Variants in KIF16B observed in about 807,000 individuals in gnomAD.
KIF16B encodes kinesin-like protein KIF16B.
A neutral mutation model predicts 156.3 loss-of-function variants in KIF16B; 98 were observed. That is an observed-to-expected ratio of 0.63 (90% confidence interval 0.53 to 0.74). The LOEUF (loss-of-function observed/expected upper bound fraction) is 0.74, where lower values mean the gene tolerates loss of function less well. Ranked by LOEUF, KIF16B falls within the 30% of genes least tolerant of loss-of-function variation. The probability of loss-of-function intolerance (pLI) is 0.00; values close to 1 mark genes in which losing one functional copy is unlikely to be tolerated. For synonymous variants in KIF16B, 564 were observed against 583.7 expected (o/e 0.97, Z 0.49); for missense variants, 1,421 against 1,606.5 (o/e 0.88, Z 1.97).
At chr20:16,448,220 T>G (rs1007444365) in intron 12 of KIF16B, among the ~76,000 whole-genome samples, 1 of 152,174 alleles carries the variant, frequency 6.6e-6, no homozygotes. Context: ...TCTTGGCACA[T>G]GGTGGAGGTA....
rs2064444688 is a variant in KIF16B, at chr20:16,356,438, G to C, written c.3513C>G (p.Arg1171=). 6.2e-7 allele frequency: 1 copy of C among 1,613,984 alleles called. No individual in the cohort carries two copies. The highest frequency in any genetic ancestry group is 1.7e-5 in the Admixed American group (1 of 60,000). The change falls in exon 23 of 26, where the codon CGC becomes CGG. Residue 1171 remains arginine, a synonymous_variant. Transcript: ENST00000354981. Reference sequence around the variant, plus strand: ...GGTCATCTGGATTTGCGCCCAAAGAGCGAGAAACCATCCGCTATCAAAGGC... The same window carrying C: ...GGTCATCTGGATTTGCGCCCAAAGACCGAGAAACCATCCGCTATCAAAGGC... ...RKLKYERMVS[R]SLGANPDDLK...
intron 24 of KIF16B, among the ~76,000 whole-genome samples, chr20:16,313,098 G>A (rs778802376): frequency 6.6e-6 from 1 of 152,164 alleles, no homozygotes; most frequent in Non-Finnish European, 1.5e-5. Flanking sequence ...TTTTACTACA[G>A]ATTCCCAGGC....
chr20:16,468,392 C>T (rs532220248), intron 12 of KIF16B, among the ~76,000 whole-genome samples: 5 of 151,588 alleles, frequency 3.3e-5, no homozygotes, highest in East Asian at 3.9e-4. Context: ...GCCAACATGG[C>T]GAAACTCCGT....
intron 12 of KIF16B, among the ~76,000 whole-genome samples, chr20:16,479,029 C>T (rs550727434): frequency 1.3e-5 from 2 of 152,308 alleles, no homozygotes; most frequent in Admixed American, 6.5e-5. Context: ...CGATTTCTAA[C>T]AGCCCAAAAC....
rs546261764 is a variant in KIF16B at position 16,440,196 on chromosome 20, G to T, written c.1303-10214C>A. Reference sequence around the variant, plus strand: ...AGAGGTCAGGATGGGGTCAGTGAGAGCCAAACTATTAAAAACAATACCCAA... The same window carrying T: ...AGAGGTCAGGATGGGGTCAGTGAGATCCAAACTATTAAAAACAATACCCAA... On this transcript the variant is annotated intron_variant, in intron 12 of 25. Transcript: ENST00000354981. 5.9e-5 allele frequency among the ~76,000 whole-genome samples: 9 copies of T among 152,242 alleles called. No homozygotes were observed. The South Asian group carries it at 8.3e-4, about 14-fold the overall frequency.
At chr20:16,297,710 A>AG (rs1450865610) in intron 25 of KIF16B, among the ~76,000 whole-genome samples, 75 of 151,856 alleles carry the variant, frequency 4.9e-4, no homozygotes, top group African/African-American at 1.8e-3. Context: ...AAAAAAAAAA[A>AG]AAAAAAGATT....
At chr20:16,312,244 G>T (rs1451390703) in intron 25 of KIF16B, 91 bp downstream of exon 25, 2 of 885,332 alleles carry the variant, frequency 2.3e-6, no homozygotes, top group East Asian at 2.6e-5. Context: ...CACTTGTGAA[G>T]AAATTTAATA....
At chr20:16,503,074 G>C (rs1037901883) in intron 10 of KIF16B, among the ~76,000 whole-genome samples, 18 of 152,150 alleles carry the variant, frequency 1.2e-4, no homozygotes, top group African/African-American at 4.3e-4. Context: ...AAATTAGCCA[G>C]GCATGGTGGC....
intron 1 of KIF16B, among the ~76,000 whole-genome samples, chr20:16,550,721 G>T (rs186101287): frequency 1.3e-5 from 2 of 151,634 alleles, no homozygotes; most frequent in African/African-American, 4.8e-5. Context: ...TTTTTGTAGA[G>T]ACGGGTTTTC....
At chr20:16,427,440 T>A (rs1449809508) in intron 14 of KIF16B, among the ~76,000 whole-genome samples, 199 bp from the exon 15 acceptor site, 3 of 152,124 alleles carry the variant, frequency 2.0e-5, no homozygotes, top group Non-Finnish European at 1.5e-5. Flanking sequence ...GACTGGAAGA[T>A]CCTTAGAATG....
intron 12 of KIF16B, among the ~76,000 whole-genome samples, chr20:16,458,514 G>A (rs1428548640): frequency 6.6e-6 from 1 of 152,172 alleles, no homozygotes; most frequent in African/African-American, 2.4e-5. Flanking sequence ...ATGTGTATGG[G>A]TAGTATAAGC....
At chr20:16,288,366 C>A (rs931850905) in intron 25 of KIF16B, among the ~76,000 whole-genome samples, 5 of 152,142 alleles carry the variant, frequency 3.3e-5, no homozygotes, top group Admixed American at 2.6e-4. Flanking sequence ...ATTTAGAGAA[C>A]CTTAGTAAGT....
At chr20:16,552,248 C>A (rs116204218) in intron 1 of KIF16B, among the ~76,000 whole-genome samples, 50 of 152,304 alleles carry the variant, frequency 3.3e-4, no homozygotes, top group African/African-American at 1.1e-3. Context: ...CACAAGGAAG[C>A]CTTTAGCTTC....
intron 1 of KIF16B, among the ~76,000 whole-genome samples, chr20:16,544,797 C>T (rs779965940): frequency 4.6e-5 from 7 of 152,034 alleles, no homozygotes; most frequent in Admixed American, 6.6e-5. Context: ...AAGATGATGT[C>T]CTGCTCTTCA....
intron 25 of KIF16B, among the ~76,000 whole-genome samples, chr20:16,293,159 T>C (rs2063336884): frequency 1.3e-5 from 2 of 152,066 alleles, no homozygotes; most frequent in South Asian, 4.1e-4. Context: ...TAAGGCAATT[T>C]CCCAGAAATG....
intron 24 of KIF16B, 97 bp from the exon 25 acceptor site, chr20:16,312,515 A>ACC: frequency 1.1e-6 from 1 of 939,496 alleles, no homozygotes; most frequent in Non-Finnish European, 1.6e-6. Context: ...CATGGGGTGA[A>ACC]AAGAAAGAGG....
chr20:16,394,548 A>G (rs1050100018), intron 17 of KIF16B, among the ~76,000 whole-genome samples: 3 of 152,196 alleles, frequency 2.0e-5, no homozygotes, highest in Non-Finnish European at 4.4e-5. Flanking sequence ...CAAAAACTGG[A>G]GAAGAAACCA....
rs1234217320 is a variant in KIF16B, at chr20:16,371,810, G to T, written c.3351-49C>A. On this transcript the variant is annotated intron_variant, in intron 20 of 25. Transcript: ENST00000354981. The stretch of plus-strand genomic sequence containing the variant: ...AGATCTGACACTTCTAACCACACAG[G>T]ACATTCTGAGATCCTCTCTTTACTA... 3 of 1,242,734 alleles carry T rather than the reference G, an allele frequency of 2.4e-6. No individual in the cohort carries two copies. In the South Asian group the frequency reaches 3.6e-5, roughly 15 times the overall value. 77.0% of individuals were successfully genotyped at this position (1,242,734 alleles called of 1,614,324 possible). A position where few individuals can be genotyped will look rare whatever the true frequency, so the allele number is the denominator to read the frequency against.
chr20:16,331,730 C>T (rs1161384453), intron 24 of KIF16B, among the ~76,000 whole-genome samples: 1 of 152,124 alleles, frequency 6.6e-6, no homozygotes, highest in African/African-American at 2.4e-5. Flanking sequence ...AGGAAATTTT[C>T]AGGATCCTTT....
Sources: allele counts gnomAD v4.1 joint callset (sites outside exome capture counted in the v4.1 genomes callset), GRCh38; gene constraint gnomAD v4.1.1; transcripts MANE v1.5; gene names NCBI Gene and HGNC (gene_info 2026-07-23, HGNC 2026-07-21).